Variants in SMARCA1 observed in about 807,000 individuals in gnomAD.
The protein encoded by SMARCA1 is SWI/SNF-related matrix-associated actin-dependent regulator of chromatin subfamily A member 1.
Under a neutral mutation model 93.6 loss-of-function variants are expected in SMARCA1, and 17 were observed. The ratio of observed to expected loss-of-function variants is 0.18; its 90% CI spans 0.12 to 0.27. The LOEUF is 0.27. SMARCA1 is among the 10% of genes least tolerant of loss of function. The pLI is 1.00. For synonymous variants in SMARCA1, 271 were observed against 271.4 expected (o/e 1.00, Z 0.01); for missense variants, 630 against 819.0 (o/e 0.77, Z 2.82).
intron 6 of SMARCA1, among the ~76,000 whole-genome samples, chrX:129,508,969 C>A (rs12687859): frequency 4.1e-4 from 45 of 110,492 alleles, no homozygotes; most frequent in African/African-American, 1.4e-3. Context: ...AGATGGATCA[C>A]GAGGTCAGGA....
chrX:129,504,680 G>A (rs1205249304), intron 9 of SMARCA1, 54 bp downstream of exon 9: 2 of 845,525 alleles, frequency 2.4e-6, no homozygotes, highest in Admixed American at 2.4e-5. Flanking sequence ...TGTTTTCTGG[G>A]TCAGTTTGTG....
intron 12 of SMARCA1, among the ~76,000 whole-genome samples, chrX:129,494,358 A>C (rs1041574177): frequency 3.6e-5 from 4 of 111,881 alleles, no homozygotes; most frequent in African/African-American, 1.3e-4. Context: ...TCAAGTTGCC[A>C]TCTCAGAGAG....
At chrX:129,481,697 G>A (rs1933669200) in intron 17 of SMARCA1, among the ~76,000 whole-genome samples, 1 of 111,683 alleles carries the variant, frequency 9.0e-6, no homozygotes, top group Non-Finnish European at 1.9e-5. Context: ...TGCTGGAGAG[G>A]ATGTGGGGAA....
chrX:129,463,830 G>A (rs992757865), intron 23 of SMARCA1, among the ~76,000 whole-genome samples: 4 of 110,696 alleles, frequency 3.6e-5, no homozygotes, highest in African/African-American at 1.3e-4. Context: ...CCAGCTACTC[G>A]GGAGGCTGAG....
intron 12 of SMARCA1, among the ~76,000 whole-genome samples, chrX:129,494,818 A>C (rs746617016): frequency 1.8e-5 from 2 of 112,580 alleles, no homozygotes; most frequent in Admixed American, 9.4e-5. Flanking sequence ...ACACGCTGCA[A>C]AGTGGTGAAG....
intron 19 of SMARCA1, among the ~76,000 whole-genome samples, chrX:129,476,751 G>C (rs1351646934): frequency 1.8e-5 from 2 of 111,930 alleles, no homozygotes; most frequent in African/African-American, 6.5e-5. Flanking sequence ...TGAGTTTTCT[G>C]AAGGTGCAAG....
At chrX:129,510,422 G>A (rs1349661994) in intron 6 of SMARCA1, among the ~76,000 whole-genome samples, 2 of 111,990 alleles carry the variant, frequency 1.8e-5, no homozygotes, top group Non-Finnish European at 3.8e-5. Flanking sequence ...ATTTTTCAAA[G>A]CCAGGCACAG....
intron 12 of SMARCA1, among the ~76,000 whole-genome samples, chrX:129,495,484 G>A (rs1299824413): frequency 9.0e-6 from 1 of 111,224 alleles, no homozygotes; most frequent in Non-Finnish European, 1.9e-5. Flanking sequence ...GCCTCCAGAG[G>A]AGCAAGGACT....
chrX:129,473,077 C>A (rs1323146262), intron 19 of SMARCA1, among the ~76,000 whole-genome samples: 1 of 110,991 alleles, frequency 9.0e-6, no homozygotes, highest in African/African-American at 3.3e-5. Context: ...TGCAGGAAGG[C>A]GCATATGGGG....
intron 1 of SMARCA1, among the ~76,000 whole-genome samples, chrX:129,521,898 A>T (rs1201051656): frequency 8.9e-6 from 1 of 112,367 alleles, no homozygotes; most frequent in Non-Finnish European, 1.9e-5. Context: ...CACAGAAGCA[A>T]CTGCTAAATT....
intron 23 of SMARCA1, among the ~76,000 whole-genome samples, chrX:129,463,132 A>C (rs1932834644): frequency 8.9e-6 from 1 of 111,732 alleles, no homozygotes; most frequent in Admixed American, 9.5e-5. Context: ...ATAAAAACTC[A>C]AAATTCAATA....
chrX:129,507,613 G>A lies in SMARCA1; in HGVS notation c.966+328C>T, dbSNP rs1314920838. 1.9e-4 allele frequency among the ~76,000 whole-genome samples: 21 copies of A among 112,429 alleles called. No homozygotes were observed. In the Admixed American group the frequency reaches 2.0e-3, roughly 11 times the overall value. On this transcript the variant is annotated intron_variant, in intron 7 of 24. Transcript: ENST00000371121. ...TCTTTTGCCAGGCTGAAGTGCAGGG[G>A]TGCGATCTCGGCTCACTGCAACCTC...
intron 19 of SMARCA1, among the ~76,000 whole-genome samples, chrX:129,472,908 T>G (rs1207060903): frequency 1.8e-5 from 2 of 111,736 alleles, no homozygotes; most frequent in Non-Finnish European, 3.8e-5. Flanking sequence ...TGAGGGAAAC[T>G]CTACCTATAT....
intron 24 of SMARCA1, among the ~76,000 whole-genome samples, chrX:129,448,038 G>A (rs1344453202): frequency 9.6e-6 from 1 of 104,085 alleles, no homozygotes; most frequent in African/African-American, 3.6e-5. Flanking sequence ...CTACCCCCAT[G>A]ATAGCTCTAG....
chrX:129,520,641 G>A (rs1935355564), intron 1 of SMARCA1, among the ~76,000 whole-genome samples: 2 of 110,182 alleles, frequency 1.8e-5, no homozygotes, highest in Non-Finnish European at 3.8e-5. Context: ...AACCAAGGAC[G>A]AAAATGTCTT....
At chrX:129,476,104 A>G (rs1933371427) in intron 19 of SMARCA1, among the ~76,000 whole-genome samples, 1 of 112,312 alleles carries the variant, frequency 8.9e-6, no homozygotes, top group African/African-American at 3.2e-5. Context: ...TTATGCTGTA[A>G]TTGAAATTTC....
rs1400933527 is a variant in SMARCA1, at chrX:129,471,257, C to A, written c.2512G>T (p.Ala838Ser). The A allele has an allele frequency of 8.3e-7, 1 of 1,197,802 alleles. No homozygotes were observed. Among genetic ancestry groups the A allele is most frequent in the Non-Finnish European group, 1.1e-6 (1 of 883,390 alleles). The change falls in exon 20 of 25, where the codon GCT becomes TCT. Residue 838 changes from alanine (A) to serine (S), a missense_variant. Coordinates refer to ENST00000371121, the MANE Select transcript of SMARCA1 (RefSeq NM_001282874.2). ...GTCTCTTCTGGTGTAAGAGGTTCAG[C>A]TCCATCAATCTTTTTTTGCTCTTCT... ...QREEQKKIDGAEPLTPEETEE... is the reference protein window; with the variant it reads ...QREEQKKIDGSEPLTPEETEE...
At chrX:129,496,960 T>C in intron 11 of SMARCA1, 89 bp from the exon 12 acceptor site, 1 of 821,914 alleles carries the variant, frequency 1.2e-6, no homozygotes, top group Admixed American at 2.5e-5. Flanking sequence ...AACATAAATG[T>C]AGAGCACATG....
chrX:129,511,549 A>AATAG (rs1935019506), intron 6 of SMARCA1, among the ~76,000 whole-genome samples: 1 of 92,695 alleles, frequency 1.1e-5, no homozygotes, highest in Non-Finnish European at 2.0e-5. Flanking sequence ...AGGTTAATGA[A>AATAG]CTAAAGCAAA....
Sources: allele counts gnomAD v4.1 joint callset (sites outside exome capture counted in the v4.1 genomes callset), GRCh38; gene constraint gnomAD v4.1.1; transcripts MANE v1.5; gene names NCBI Gene and HGNC (gene_info 2026-07-23, HGNC 2026-07-21).